The following TLN2 variants were observed in gnomAD, a reference collection of about 807,000 sequenced individuals.
The protein encoded by TLN2 is talin-2.
In TLN2, 118 loss-of-function variants were observed where a neutral mutation model predicts 294.7. That is an observed-to-expected ratio of 0.40 (90% confidence interval 0.34 to 0.47). TLN2 has a LOEUF of 0.47. Among genes scored for constraint, TLN2 ranks in the 20% least tolerant of loss-of-function variants. TLN2 has a pLI of 0.84. For synonymous variants in TLN2, 1,431 were observed against 1,304.5 expected (o/e 1.10, Z -2.09); for missense variants, 3,083 against 3,282.2 (o/e 0.94, Z 1.48).
At chr15:62,451,010 A>G (rs1056430409) in intron 1 of TLN2, among the ~76,000 whole-genome samples, 8 of 146,954 alleles carry the variant, frequency 5.4e-5, no homozygotes, top group African/African-American at 2.0e-4. Context: ...AGGTCTTGCT[A>G]TGTTGCCCAG....
chr15:62,724,552 A>G (rs1243228336), intron 26 of TLN2, among the ~76,000 whole-genome samples: 1 of 152,220 alleles, frequency 6.6e-6, no homozygotes, highest in Non-Finnish European at 1.5e-5. Context: ...GAGAAGCAAT[A>G]AAGTTGACAT....
At chr15:62,420,458 G>A (rs1267018388) in intron 1 of TLN2, among the ~76,000 whole-genome samples, 2 of 151,754 alleles carry the variant, frequency 1.3e-5, no homozygotes, top group African/African-American at 4.8e-5. Context: ...GTACAGTGGC[G>A]TGGTCTCGGC....
intron 54 of TLN2, 113 bp downstream of exon 54, chr15:62,820,723 C>T: frequency 7.2e-7 from 1 of 1,393,182 alleles, no homozygotes; most frequent in Admixed American, 2.2e-5. Context: ...TATGGTCAGA[C>T]TAGCAAGCAG....
intron 39 of TLN2, 76 bp from the exon 40 acceptor site, chr15:62,763,484 CCTG>C: frequency 6.6e-7 from 1 of 1,505,242 alleles, no homozygotes; most frequent in Non-Finnish European, 8.9e-7. Context: ...GGACAGGGAT[CCTG>C]GCCCACCAGT....
intron 57 of TLN2, 68 bp from the exon 58 acceptor site, chr15:62,838,788 A>C: frequency 6.3e-7 from 1 of 1,581,716 alleles, no homozygotes; most frequent in Non-Finnish European, 8.6e-7. Flanking sequence ...CTGTACCTTC[A>C]TGTCTATTCT....
At position 62,455,316 on chromosome 15, in the gene TLN2, T is replaced by C. The variant is rs993914201; in HGVS notation, c.-238+64631T>C. 1.1e-4 allele frequency among the ~76,000 whole-genome samples: 16 copies of C among 151,862 alleles called. 1 individual carries two copies. The highest frequency in any genetic ancestry group is 3.6e-4 in the African/African-American group (15 of 41,374). On this transcript the variant is annotated intron_variant, in intron 1 of 58. Coordinates refer to ENST00000636159, the MANE Select transcript of TLN2 (RefSeq NM_015059.3). ...GAACTCAGGAAGGGGTTCCTGGAGG[T>C]GCACTTCAGCCGCGCCTTCAGCAAT...
chr15:62,713,798 AAG>A (rs1251057979), intron 22 of TLN2, among the ~76,000 whole-genome samples: 1 of 151,622 alleles, frequency 6.6e-6, no homozygotes, highest in Non-Finnish European at 1.5e-5. Context: ...GTAGGGGTGA[AAG>A]AGAGACCCAG....
Position 62,465,140 on chromosome 15 carries a change from T to G in TLN2, c.-238+74455T>G, listed in dbSNP as rs572362519. 2.4e-4 allele frequency among the ~76,000 whole-genome samples: 36 copies of G among 148,450 alleles called. 1 individual carries two copies. The highest frequency in any genetic ancestry group is 2.1e-3 in the Admixed American group (31 of 14,672). On this transcript the variant is annotated intron_variant, in intron 1 of 58. Coordinates refer to ENST00000636159, the MANE Select transcript of TLN2 (RefSeq NM_015059.3). ...TTTTTTTTTTTTTGGTTTTTGTTTT[T>G]AAGGCAAATGAAATATGCTAAGCCC...
At chr15:62,489,314 G>C (rs1033541314) in intron 1 of TLN2, among the ~76,000 whole-genome samples, 2 of 152,124 alleles carry the variant, frequency 1.3e-5, no homozygotes, top group African/African-American at 2.4e-5. Flanking sequence ...AAACCAAACA[G>C]GTTACACAAC....
At chr15:62,688,184 C>T (rs2057455040) in intron 12 of TLN2, among the ~76,000 whole-genome samples, 1 of 152,102 alleles carries the variant, frequency 6.6e-6, no homozygotes, top group African/African-American at 2.4e-5. Context: ...TCATTAACTA[C>T]CTCAGGCAAA....
At position 62,783,882 on chromosome 15, in the gene TLN2, C is replaced by A; in HGVS notation, c.5728C>A (p.Pro1910Thr). The A allele has an allele frequency of 6.2e-7, 1 of 1,613,996 alleles. No homozygotes were observed. The highest frequency in any genetic ancestry group is 8.5e-7 in the Non-Finnish European group (1 of 1,179,978). The change falls in exon 45 of 59, where the codon CCA (proline) becomes ACA (threonine). Residue 1910 changes from proline (P) to threonine (T), a missense_variant. Transcript: ENST00000636159. ...QGQMAAATAE[P>T]EEIGFQIRTR... is the part of the protein sequence containing the mutation. ...CCAGATGGCAGCAGCCACGGCGGAACCAGAGGAGGTCTGCCACCTTAAGAC... is the reference window on the plus strand; with the variant it reads ...CCAGATGGCAGCAGCCACGGCGGAAACAGAGGAGGTCTGCCACCTTAAGAC...
At chr15:62,678,896 C>T (rs916009039) in intron 11 of TLN2, among the ~76,000 whole-genome samples, 1 of 152,066 alleles carries the variant, frequency 6.6e-6, no homozygotes, top group Non-Finnish European at 1.5e-5. Context: ...CATCTCATTA[C>T]CCTCTAACAT....
At chr15:62,786,514 AAAG>A (rs761426402) in intron 45 of TLN2, among the ~76,000 whole-genome samples, 14 of 152,230 alleles carry the variant, frequency 9.2e-5, no homozygotes, top group Non-Finnish European at 1.8e-4. Flanking sequence ...CCCCTTAAAA[AAAG>A]AAGAAGAAAG....
intron 12 of TLN2, among the ~76,000 whole-genome samples, chr15:62,689,677 C>G (rs529580342): frequency 1.6e-4 from 24 of 151,664 alleles, no homozygotes; most frequent in African/African-American, 5.8e-4. Context: ...CAGTTCCTTT[C>G]TTTTAGTATC....
intron 2 of TLN2, among the ~76,000 whole-genome samples, chr15:62,591,309 G>A (rs2140738019): frequency 6.6e-6 from 1 of 152,276 alleles, no homozygotes; most frequent in South Asian, 2.1e-4. Context: ...TCTGAGAACT[G>A]GTGTTTGGGA....
intron 1 of TLN2, among the ~76,000 whole-genome samples, chr15:62,417,251 C>T (rs74019761): frequency 0.026 from 3,963 of 152,210 alleles, 140 homozygotes; most frequent in African/African-American, 0.082. Context: ...ATTTGCCTGT[C>T]GCCCTCTCCA....
chr15:62,616,326 G>C (rs749042032), intron 2 of TLN2, among the ~76,000 whole-genome samples: 3 of 152,192 alleles, frequency 2.0e-5, no homozygotes, highest in Non-Finnish European at 2.9e-5. Flanking sequence ...TGTAGAGCCC[G>C]AGGATGTAAT....
chr15:62,749,124 G>A lies in TLN2; in HGVS notation c.4119+680G>A, dbSNP rs571766307. On this transcript the variant is annotated intron_variant, in intron 33 of 58. Coordinates refer to ENST00000636159, the MANE Select transcript of TLN2 (RefSeq NM_015059.3). ...ATTGAGATGCCAGACGAGTATCTCA[G>A]TAGATGTGGGTTGGTTGTCCCAAGG... 6.6e-5 allele frequency among the ~76,000 whole-genome samples: 10 copies of A among 152,364 alleles called. No individual in the cohort carries two copies. In the East Asian group the frequency reaches 1.7e-3, roughly 26 times the overall value.
intron 50 of TLN2, 86 bp from the exon 51 acceptor site, chr15:62,805,514 A>C: frequency 7.2e-7 from 1 of 1,390,622 alleles, no homozygotes; most frequent in South Asian, 1.6e-5. Context: ...GTTTTCAGAC[A>C]CAAGCTACAG....
Sources: allele counts gnomAD v4.1 joint callset (sites outside exome capture counted in the v4.1 genomes callset), GRCh38; gene constraint gnomAD v4.1.1; transcripts MANE v1.5; gene names NCBI Gene and HGNC (gene_info 2026-07-23, HGNC 2026-07-21).